Variants in RIMBP2 observed in about 807,000 individuals in gnomAD.
RIMBP2 encodes RIMS binding protein 2.
In RIMBP2, 48 loss-of-function variants were observed where a neutral mutation model predicts 118.6. That is an observed-to-expected ratio of 0.40 (90% CI 0.32 to 0.51). The LOEUF (loss-of-function observed/expected upper bound fraction) is 0.51, where lower values mean the gene tolerates loss of function less well. Ranked by LOEUF, RIMBP2 falls within the 20% of genes least tolerant of loss-of-function variation. The pLI is 0.41. For missense variants in RIMBP2, 1,551 were observed against 1,768.3 expected, an observed-to-expected ratio of 0.88 and a Z score of 2.20; for synonymous variants, 762 against 742.9, an observed-to-expected ratio of 1.03 and a Z score of -0.42.
At chr12:130,453,651 A>AAG (rs1229782780) in intron 7 of RIMBP2, among the ~76,000 whole-genome samples, 1 of 152,236 alleles carries the variant, frequency 6.6e-6, no homozygotes. Context: ...TCGCAGAAGC[A>AAG]GAGAACAGAA....
intron 3 of RIMBP2, among the ~76,000 whole-genome samples, chr12:130,515,289 T>C (rs11060964): frequency 0.32 from 48,409 of 152,002 alleles, 7,843 homozygotes; most frequent in Middle Eastern, 0.52. Flanking sequence ...TCGCACTGTT[T>C]TACAACTGTC....
rs2065173755 is a variant in RIMBP2 at position 130,688,638 on chromosome 12, G to A, written c.-352+27584C>T. 1.3e-5 allele frequency among the ~76,000 whole-genome samples: 2 copies of A among 152,190 alleles called. No homozygotes were observed. Among genetic ancestry groups the A allele is most frequent in the Admixed American group, 6.5e-5 (1 of 15,302 alleles). ...ATTCTCCCAGCCCTGCAGCAGGAGG[G>A]TGTGCTGGCCTTTCTTGGTGCCCAA... On this transcript the variant is annotated intron_variant, in intron 1 of 22. Transcript: ENST00000690449. This position sits in a 1 kb window ranked among gnomAD's most constrained non-coding sequence, Gnocchi z 4.7.
At chr12:130,653,238 T>G (rs918628294) in intron 1 of RIMBP2, among the ~76,000 whole-genome samples, 3 of 152,238 alleles carry the variant, frequency 2.0e-5, no homozygotes, top group African/African-American at 7.2e-5. Flanking sequence ...CGTCGTTTAC[T>G]TCCAAGATAC....
At chr12:130,646,087 T>TTCCCTCTCCACCTCCCTCTCCACC (rs1161616640) in intron 1 of RIMBP2, among the ~76,000 whole-genome samples, 2 of 60,548 alleles carry the variant, frequency 3.3e-5, no homozygotes, top group Admixed American at 1.6e-4. Flanking sequence ...CCCTCACCAC[T>TTCCCTCTCCACCTCCCTCTCCACC]TCCCTCTCCA....
intron 2 of RIMBP2, among the ~76,000 whole-genome samples, chr12:130,532,080 C>A (rs551718393): frequency 4.6e-5 from 6 of 131,516 alleles, no homozygotes; most frequent in Admixed American, 2.4e-4. Context: ...TAATGAGATG[C>A]GTATGTTTAG....
chr12:130,654,615 A>G (rs1021669218), intron 1 of RIMBP2, among the ~76,000 whole-genome samples: 2 of 152,184 alleles, frequency 1.3e-5, no homozygotes, highest in African/African-American at 2.4e-5. Context: ...AGCTGCTTCC[A>G]CACTTTCAGG....
chr12:130,568,220 C>A (rs1305890633), intron 2 of RIMBP2, among the ~76,000 whole-genome samples: 3 of 152,194 alleles, frequency 2.0e-5, no homozygotes, highest in Admixed American at 2.0e-4. Context: ...AACCAACCAA[C>A]CTTGCAAGAG....
chr12:130,555,968 C>T (rs560174097), intron 2 of RIMBP2, among the ~76,000 whole-genome samples: 2 of 152,180 alleles, frequency 1.3e-5, no homozygotes, highest in African/African-American at 4.8e-5. Flanking sequence ...CAGCACCCGA[C>T]AGGAACATCA....
Position 130,473,747 on chromosome 12 carries a change from A to G in RIMBP2, c.103-3004T>C, listed in dbSNP as rs574654397. On this transcript the variant is annotated intron_variant, in intron 5 of 22. Transcript: ENST00000690449. ...TAATACTCCAGGAGCACACAGGATTAGGGCAGACACTGCCTGAAACTAACA... is the reference window on the plus strand; with the variant it reads ...TAATACTCCAGGAGCACACAGGATTGGGGCAGACACTGCCTGAAACTAACA... Among the ~76,000 whole-genome samples, 14 of 152,334 alleles carry G rather than the reference A, an allele frequency of 9.2e-5. 1 individual carries two copies. The East Asian group carries it at 2.7e-3, about 29-fold the overall frequency.
At chr12:130,561,142 C>A (rs1593802988) in intron 2 of RIMBP2, among the ~76,000 whole-genome samples, 1 of 152,118 alleles carries the variant, frequency 6.6e-6, no homozygotes, top group East Asian at 1.9e-4. Flanking sequence ...GGAGAGAGGC[C>A]AGAACAGGGG....
chr12:130,689,310 G>A (rs1391206315), intron 1 of RIMBP2, among the ~76,000 whole-genome samples: 1 of 152,148 alleles, frequency 6.6e-6, no homozygotes, highest in Admixed American at 6.5e-5. Flanking sequence ...GTGCGTGCCT[G>A]TAATTCCAGC....
rs779084502 is a variant in RIMBP2, at chr12:130,434,779, G to T, written c.2208C>A (p.Gly736=). 8 of 1,613,696 alleles carry T rather than the reference G, an allele frequency of 5.0e-6. No individual in the cohort carries two copies. The highest frequency in any genetic ancestry group is 6.8e-6 in the Non-Finnish European group (8 of 1,179,958). The change falls in exon 14 of 23, where the codon GGC becomes GGA. Residue 736 remains glycine (G), a synonymous_variant. Coordinates refer to ENST00000690449, the MANE Select transcript of RIMBP2 (RefSeq NM_001393629.1). The surrounding 1 kb of genome is among the most constrained non-coding windows in gnomAD (Gnocchi z 5.7). ...AYDSPDFKRR[G]ASVDDFLKGS... ...CTTTCAGGAAGTCGTCCACCGAGGC[G>T]CCCCTCCTCTTGAAGTCTGGAGAGT... is the stretch of plus-strand genomic sequence containing the variant.
At chr12:130,638,258 G>A (rs960117891) in intron 1 of RIMBP2, among the ~76,000 whole-genome samples, 8 of 152,094 alleles carry the variant, frequency 5.3e-5, no homozygotes, top group South Asian at 2.1e-4. Flanking sequence ...TTTCATAGGC[G>A]AATGAATGAT....
intron 2 of RIMBP2, among the ~76,000 whole-genome samples, chr12:130,519,912 G>A (rs993856055): frequency 3.3e-5 from 5 of 152,146 alleles, no homozygotes; most frequent in Non-Finnish European, 2.9e-5. Context: ...TCAATCTCAC[G>A]GAACACAGAG....
At chr12:130,494,652 GAAAGA>G (rs1205229163) in intron 4 of RIMBP2, among the ~76,000 whole-genome samples, 3 of 108,506 alleles carry the variant, frequency 2.8e-5, no homozygotes, top group South Asian at 3.4e-4. Flanking sequence ...AAAAAAAAAA[GAAAGA>G]AAAGAAAAGA....
At chr12:130,506,930 A>G (rs1369728879) in intron 3 of RIMBP2, among the ~76,000 whole-genome samples, 160 bp from the exon 4 acceptor site, 1 of 152,070 alleles carries the variant, frequency 6.6e-6, no homozygotes, top group Non-Finnish European at 1.5e-5. Context: ...ACTAGGGGTC[A>G]CTACACATGA....
Position 130,412,560 on chromosome 12 carries a change from C to T in RIMBP2, c.3589+59G>A, listed in dbSNP as rs1405933813. The T allele has an allele frequency of 2.3e-5, 34 of 1,469,686 alleles. 1 individual carries two copies. Among genetic ancestry groups the T allele is most frequent in the South Asian group, 2.0e-4 (16 of 81,926 alleles). The allele number at this position is 1,469,686 out of a possible 1,614,324, so 91.0% of individuals were successfully genotyped here. A position where few individuals can be genotyped will look rare whatever the true frequency, so the allele number is the denominator to read the frequency against. On this transcript the variant is annotated intron_variant, in intron 19 of 22. Coordinates refer to ENST00000690449, the MANE Select transcript of RIMBP2 (RefSeq NM_001393629.1). ...CCTCATCACCGCCTGCCTCTCTGAG[C>T]GGCAGGTGTTTTGTGGGATAAAATG...
At chr12:130,521,741 G>C (rs200137429) in intron 2 of RIMBP2, among the ~76,000 whole-genome samples, 2 of 152,174 alleles carry the variant, frequency 1.3e-5, no homozygotes, top group African/African-American at 4.8e-5. Flanking sequence ...CACCACCCCC[G>C]TCTTAGCTTT....
chr12:130,463,404 G>A (rs4370972), intron 6 of RIMBP2, among the ~76,000 whole-genome samples: 143,482 of 152,226 alleles, frequency 0.94, 68,209 homozygotes, highest in East Asian at 1. Flanking sequence ...CATCAGGCAA[G>A]TCAACTGTAA....
Sources: allele counts gnomAD v4.1 joint callset (sites outside exome capture counted in the v4.1 genomes callset), GRCh38; gene constraint gnomAD v4.1.1; non-coding constraint Gnocchi (gnomAD v3.1); transcripts MANE v1.5; gene names NCBI Gene and HGNC (gene_info 2026-07-23, HGNC 2026-07-21).